DLG2: variants seen among roughly 807,000 people sequenced by gnomAD.
DLG2 encodes discs large MAGUK scaffold protein 2.
In DLG2, 45 loss-of-function variants were observed where a neutral mutation model predicts 132.5. That is an observed-to-expected ratio of 0.34 (90% CI 0.27 to 0.44). DLG2 has a LOEUF of 0.44. Among genes scored for constraint, DLG2 ranks in the 20% least tolerant of loss-of-function variants. The pLI, the probability that DLG2 is intolerant of heterozygous loss-of-function variation, is 1.00. For missense variants in DLG2, 1,045 were observed against 1,196.9 expected (o/e 0.87, Z 1.87); for synonymous variants, 424 against 419.6 (o/e 1.01, Z -0.13).
At chr11:83,940,557 C>T (rs990760456) in intron 14 of DLG2, among the ~76,000 whole-genome samples, 1 of 152,162 alleles carries the variant, frequency 6.6e-6, no homozygotes, top group African/African-American at 2.4e-5. Flanking sequence ...TGGCTTTGAA[C>T]CCAGATTGTC....
At chr11:83,532,639 A>G (rs1380842891) in intron 21 of DLG2, 69 bp downstream of exon 21, 1 of 1,394,666 alleles carries the variant, frequency 7.2e-7, no homozygotes, top group Non-Finnish European at 1.0e-6. Flanking sequence ...CTGAAAGCCT[A>G]AATGTGTTAA....
intron 6 of DLG2, among the ~76,000 whole-genome samples, chr11:84,877,474 A>C (rs2086548518): frequency 6.7e-6 from 1 of 148,682 alleles, no homozygotes; most frequent in Non-Finnish European, 1.5e-5. Flanking sequence ...TTGTTGGTTT[A>C]AAGTCTGTTT....
At chr11:85,032,174 C>A (rs879683486) in intron 6 of DLG2, among the ~76,000 whole-genome samples, 1 of 151,986 alleles carries the variant, frequency 6.6e-6, no homozygotes, top group South Asian at 2.1e-4. Flanking sequence ...TGAAGTAGAG[C>A]TTTTCATACC....
At chr11:83,460,359 AT>A (rs1273832135) in intron 27 of DLG2, among the ~76,000 whole-genome samples, 2 of 152,198 alleles carry the variant, frequency 1.3e-5, no homozygotes, top group Non-Finnish European at 2.9e-5. Context: ...AAATTCAGAT[AT>A]TGTAGACACC....
chr11:84,683,893 A>T (rs1183736611), intron 6 of DLG2, among the ~76,000 whole-genome samples: 2 of 152,170 alleles, frequency 1.3e-5, no homozygotes, highest in Non-Finnish European at 2.9e-5. Flanking sequence ...CCCAGTTATA[A>T]ATGTTGACTT....
intron 19 of DLG2, among the ~76,000 whole-genome samples, chr11:83,601,044 T>A (rs1282529275): frequency 6.6e-6 from 1 of 152,226 alleles, no homozygotes; most frequent in Non-Finnish European, 1.5e-5. Flanking sequence ...AGTGTAGAAG[T>A]TCTGAACTCA....
chr11:84,213,792 C>G (rs1160566583), intron 8 of DLG2, among the ~76,000 whole-genome samples: 1 of 140,910 alleles, frequency 7.1e-6, no homozygotes, highest in Admixed American at 7.7e-5. Context: ...GCACTCCAGC[C>G]TGGGTGACAG....
intron 6 of DLG2, among the ~76,000 whole-genome samples, chr11:85,032,602 A>G (rs1038588530): frequency 6.6e-6 from 1 of 152,212 alleles, no homozygotes; most frequent in African/African-American, 2.4e-5. Flanking sequence ...ATTTTTACAA[A>G]GGCATGAAAT....
intron 5 of DLG2, among the ~76,000 whole-genome samples, chr11:85,135,532 C>G (rs1175428271): frequency 1.3e-5 from 2 of 152,196 alleles, no homozygotes; most frequent in Admixed American, 1.3e-4. Context: ...GATTAGTCTT[C>G]TAACGTTGGT....
chr11:85,006,703 A>T (rs1365888961), intron 6 of DLG2, among the ~76,000 whole-genome samples: 2 of 151,340 alleles, frequency 1.3e-5, no homozygotes, highest in Admixed American at 1.3e-4. Context: ...GATTTTTTTG[A>T]AGGGTTTTTC....
At chr11:83,836,877 G>A (rs2056312601) in intron 16 of DLG2, among the ~76,000 whole-genome samples, 1 of 152,168 alleles carries the variant, frequency 6.6e-6, no homozygotes, top group Non-Finnish European at 1.5e-5. Context: ...TCTTGCAGCT[G>A]GGTGGGCATG....
At chr11:84,751,586 T>C (rs909524114) in intron 6 of DLG2, among the ~76,000 whole-genome samples, 20 of 152,166 alleles carry the variant, frequency 1.3e-4, no homozygotes, top group Non-Finnish European at 2.4e-4. Flanking sequence ...TCAGATCACA[T>C]GCTGCAGCAT....
At chr11:84,668,748 T>A (rs1448141463) in intron 6 of DLG2, among the ~76,000 whole-genome samples, 1 of 152,200 alleles carries the variant, frequency 6.6e-6, no homozygotes, top group African/African-American at 2.4e-5. Flanking sequence ...ATTTTTATCC[T>A]CTTCTTTCCT....
At chr11:84,477,791 G>A (rs979358381) in intron 7 of DLG2, among the ~76,000 whole-genome samples, 5 of 152,182 alleles carry the variant, frequency 3.3e-5, no homozygotes, top group African/African-American at 4.8e-5. Context: ...ACGAGAATCA[G>A]AGGATAGATG....
At chr11:83,558,917 C>G (rs561877089) in intron 19 of DLG2, among the ~76,000 whole-genome samples, 1 of 147,860 alleles carries the variant, frequency 6.8e-6, no homozygotes, top group Non-Finnish European at 1.5e-5. Context: ...CCTCCATCAA[C>G]GAGATTCTCA....
intron 6 of DLG2, among the ~76,000 whole-genome samples, chr11:85,026,080 A>G (rs1439226507): frequency 6.6e-6 from 1 of 152,138 alleles, no homozygotes; most frequent in Non-Finnish European, 1.5e-5. Flanking sequence ...CTGAAACATA[A>G]TTTAAATATC....
intron 2 of DLG2, among the ~76,000 whole-genome samples, chr11:85,621,806 T>A (rs577835283): frequency 1.3e-5 from 2 of 152,302 alleles, no homozygotes; most frequent in South Asian, 4.1e-4. Flanking sequence ...TGAACATTGT[T>A]TGAAATGGCA....
intron 15 of DLG2, among the ~76,000 whole-genome samples, chr11:83,910,523 A>G (rs1294152939): frequency 6.6e-6 from 1 of 152,232 alleles, no homozygotes; most frequent in East Asian, 1.9e-4. Context: ...GACTGCATTT[A>G]ACAATAATAC....
chr11:84,846,785 C>T lies in DLG2; in HGVS notation c.357+264876G>A, dbSNP rs79178611. Among the ~76,000 whole-genome samples the T allele has an allele frequency of 5.0e-4, 76 of 152,244 alleles. No homozygotes were observed. In the East Asian group the frequency reaches 0.012, roughly 24 times the overall value. On this transcript the variant is annotated intron_variant, in intron 6 of 27. Transcript: ENST00000376104. Reference sequence around the variant, plus strand: ...GTTTTGAGCCTAAGCCTTAAGAAAGCTTGTCAACTTCTGATTTGGAGAGTC... The same window carrying T: ...GTTTTGAGCCTAAGCCTTAAGAAAGTTTGTCAACTTCTGATTTGGAGAGTC...
Sources: allele counts gnomAD v4.1 joint callset (sites outside exome capture counted in the v4.1 genomes callset), GRCh38; gene constraint gnomAD v4.1.1; transcripts MANE v1.5; gene names NCBI Gene and HGNC (gene_info 2026-07-23, HGNC 2026-07-21).